ST3GAL3: variants seen among roughly 807,000 people sequenced by gnomAD.
The protein encoded by ST3GAL3 is ST3 beta-galactoside alpha-2,3-sialyltransferase 3.
Under a neutral mutation model 50.1 loss-of-function variants are expected in ST3GAL3, and 21 were observed. The ratio of observed to expected loss-of-function variants is 0.42; its 90% CI spans 0.30 to 0.60. The LOEUF is 0.60. Ranked by LOEUF, ST3GAL3 falls within the 20% of genes least tolerant of loss-of-function variation. ST3GAL3 has a pLI of 0.19. For synonymous variants in ST3GAL3, 183 were observed against 190.0 expected (o/e 0.96, Z 0.30); for missense variants, 353 against 489.4 (o/e 0.72, Z 2.63).
intron 5 of ST3GAL3, chr1:43,850,759 C>T (rs2154212830): frequency 3.8e-6 from 3 of 798,896 alleles, no homozygotes; most frequent in East Asian, 4.9e-5. Flanking sequence ...TTGGCCACCA[C>T]ATGGTGCTGA....
At chr1:43,911,488 G>T (rs1331072405) in intron 9 of ST3GAL3, among the ~76,000 whole-genome samples, 2 of 150,716 alleles carry the variant, frequency 1.3e-5, no homozygotes, top group Admixed American at 6.6e-5. Flanking sequence ...TTCAAGGAAG[G>T]ATATATATAG....
intron 5 of ST3GAL3, among the ~76,000 whole-genome samples, chr1:43,849,238 CTT>C (rs569376533): frequency 7.6e-6 from 1 of 132,418 alleles, no homozygotes; most frequent in Non-Finnish European, 1.7e-5. Context: ...ATCTAGGGTT[CTT>C]TTTTTTTTTT....
rs1285427189 is a variant in ST3GAL3, at chr1:43,930,372, T to C, written c.*151T>C. The stretch of plus-strand genomic sequence containing the variant: ...GTGGAGCAGCCAGAGCTGTGCCTGC[T>C]CAGCAGCCAGTCTCAGAGACCAGCA... On this transcript the variant is annotated 3_prime_UTR_variant, in exon 12 of 12. Coordinates refer to ENST00000347631, the MANE Select transcript of ST3GAL3 (RefSeq NM_006279.5). The C allele has an allele frequency of 1.3e-6, 1 of 747,702 alleles. No individual in the cohort carries two copies. Among genetic ancestry groups the C allele is most frequent in the African/African-American group, 1.7e-5 (1 of 58,080 alleles). 46.3% of individuals were successfully genotyped at this position (747,702 alleles called of 1,614,324 possible).
rs150382890 is a variant in ST3GAL3 at position 43,830,307 on chromosome 1, G to A, written c.210-7912G>A. ...CCACCTTGACTTCCCAAAGTGCTGG[G>A]ATTACAGATGTGAGCCACCACACCT... On this transcript the variant is annotated intron_variant, in intron 4 of 11. Transcript: ENST00000347631. Among the ~76,000 whole-genome samples the A allele has an allele frequency of 4.3e-4, 66 of 152,094 alleles. 1 individual carries two copies. The highest frequency in any genetic ancestry group is 1.5e-3 in the African/African-American group (64 of 41,490).
chr1:43,853,143 T>G (rs2067658676), intron 5 of ST3GAL3, among the ~76,000 whole-genome samples: 1 of 152,210 alleles, frequency 6.6e-6, no homozygotes. Flanking sequence ...GAGTGTTGTC[T>G]CTTTTAGTTG....
chr1:43,917,443 A>AAT (rs2081997953), intron 9 of ST3GAL3, among the ~76,000 whole-genome samples: 1 of 79,104 alleles, frequency 1.3e-5, no homozygotes, highest in East Asian at 3.6e-4. Context: ...TTGCATATAT[A>AAT]ATATATAATA....
intron 1 of ST3GAL3, among the ~76,000 whole-genome samples, chr1:43,725,062 C>T (rs1672265074): frequency 6.6e-6 from 1 of 152,188 alleles, no homozygotes; most frequent in Admixed American, 6.5e-5. Context: ...GTCCTATTAG[C>T]TTTGGACAGA....
At chr1:43,720,728 CT>C (rs1468008758) in intron 1 of ST3GAL3, among the ~76,000 whole-genome samples, 1 of 152,150 alleles carries the variant, frequency 6.6e-6, no homozygotes, top group Non-Finnish European at 1.5e-5. Context: ...CCAACACATG[CT>C]TTTTTGGGGG....
chr1:43,841,131 T>A (rs551657263), intron 5 of ST3GAL3: 2 of 152,472 alleles, frequency 1.3e-5, no homozygotes, highest in African/African-American at 4.8e-5. Flanking sequence ...GTGCAGCCCC[T>A]GTGGCTGCTC....
intron 2 of ST3GAL3, among the ~76,000 whole-genome samples, chr1:43,754,163 G>A (rs1407469430): frequency 1.3e-5 from 2 of 152,114 alleles, no homozygotes; most frequent in Non-Finnish European, 2.9e-5. Context: ...AAATAACTCA[G>A]AGACAAAACT....
chr1:43,726,415 TA>T (rs925761753), intron 1 of ST3GAL3, among the ~76,000 whole-genome samples: 6 of 152,190 alleles, frequency 3.9e-5, no homozygotes, highest in East Asian at 1.9e-4. Flanking sequence ...GCCTCCCAAG[TA>T]GCTGGGACTA....
chr1:43,788,784 AAAG>A (rs889718753), intron 2 of ST3GAL3, among the ~76,000 whole-genome samples: 4 of 152,220 alleles, frequency 2.6e-5, no homozygotes, highest in African/African-American at 4.8e-5. Context: ...CAGTTTAATG[AAAG>A]AAGAAGAAAA....
At chr1:43,740,668 C>A (rs1680474429) in intron 2 of ST3GAL3, among the ~76,000 whole-genome samples, 1 of 151,842 alleles carries the variant, frequency 6.6e-6, no homozygotes, top group Admixed American at 6.6e-5. Flanking sequence ...ATTATCCAGG[C>A]ATAGTGGTGC....
At chr1:43,759,066 C>CACACACAA (rs59996228) in intron 2 of ST3GAL3, among the ~76,000 whole-genome samples, 1 of 25,342 alleles carries the variant, frequency 3.9e-5, no homozygotes, top group Non-Finnish European at 7.7e-5. Flanking sequence ...AAAGCGCGCG[C>CACACACAA]ACACACACAC....
At chr1:43,872,154 A>G (rs1189631818) in intron 5 of ST3GAL3, among the ~76,000 whole-genome samples, 2 of 74,172 alleles carry the variant, frequency 2.7e-5, no homozygotes, top group Non-Finnish European at 5.3e-5. Context: ...ACTAACAAAG[A>G]GGATGGTATA....
chr1:43,722,974 G>A (rs1322327584), intron 1 of ST3GAL3, among the ~76,000 whole-genome samples: 1 of 152,164 alleles, frequency 6.6e-6, no homozygotes, highest in East Asian at 1.9e-4. Context: ...TGTTGGAGGT[G>A]GAGCCTAGTG....
At chr1:43,844,147 C>G (rs1161957873) in intron 5 of ST3GAL3, among the ~76,000 whole-genome samples, 1 of 152,212 alleles carries the variant, frequency 6.6e-6, no homozygotes, top group Non-Finnish European at 1.5e-5. Flanking sequence ...GTTCACAAGT[C>G]TGAAAGCTCT....
chr1:43,770,064 C>T (rs560062823), intron 2 of ST3GAL3, among the ~76,000 whole-genome samples: 1 of 152,102 alleles, frequency 6.6e-6, no homozygotes, highest in East Asian at 1.9e-4. Context: ...ATAATTTAAA[C>T]TGTAACTTGA....
chr1:43,875,950 CTTA>C (rs200892055), intron 5 of ST3GAL3, among the ~76,000 whole-genome samples: 1,500 of 73,800 alleles, frequency 0.02, 11 homozygotes, highest in Admixed American at 0.046. Context: ...TCTTCTTCTT[CTTA>C]TTATTATTAT....
Sources: gnomAD v4.1 joint callset for allele counts (sites outside exome capture counted in the v4.1 genomes callset) on GRCh38, gnomAD v4.1.1 for gene constraint, MANE v1.5 for transcripts, NCBI Gene and HGNC (gene_info 2026-07-23, HGNC 2026-07-21) for gene names.